Variants in DGKB observed in about 807,000 individuals in gnomAD.
DGKB encodes the protein diacylglycerol kinase beta.
Under a neutral mutation model 114.3 loss-of-function variants are expected in DGKB, and 67 were observed. The observed-to-expected ratio is 0.59, with a 90% confidence interval of 0.48 to 0.72. The LOEUF (loss-of-function observed/expected upper bound fraction) is 0.72. DGKB is among the 30% of genes least tolerant of loss of function. The pLI is 0.00. For synonymous variants in DGKB, 398 were observed against 323.1 expected (o/e 1.23, Z -2.49); for missense variants, 907 against 975.2 (o/e 0.93, Z 0.93).
intron 20 of DGKB, among the ~76,000 whole-genome samples, chr7:14,499,435 A>T (rs1209797670): frequency 6.6e-6 from 1 of 151,772 alleles, no homozygotes; most frequent in Non-Finnish European, 1.5e-5. Context: ...TGCTAGCATG[A>T]TCCACAAAAA....
At chr7:14,918,988 A>C (rs1784375119) in intron 1 of DGKB, among the ~76,000 whole-genome samples, 1 of 151,192 alleles carries the variant, frequency 6.6e-6, no homozygotes, top group African/African-American at 2.4e-5. Flanking sequence ...GTTTGAACCC[A>C]GGAGGCGGAG....
At position 14,371,473 on chromosome 7, in the gene DGKB, T is replaced by C. The variant is rs148929978; in HGVS notation, c.1836-26082A>G. On this transcript the variant is annotated intron_variant, in intron 21 of 25. Transcript: ENST00000402815. ...TGTTGGCAGCTTATATGGTTTCTTT[T>C]GAGAAGTGTTTGTTCATGTCTTTTG... Among the ~76,000 whole-genome samples, 611 of 152,328 alleles carry C rather than the reference T, an allele frequency of 4.0e-3. 6 individuals are homozygous for C. The highest frequency in any genetic ancestry group is 0.024 in the Middle Eastern group (7 of 294).
chr7:14,179,643 A>C lies in DGKB; in HGVS notation c.2123-1492T>G, dbSNP rs549553554. On this transcript the variant is annotated intron_variant, in intron 23 of 25. Coordinates refer to ENST00000402815, the MANE Select transcript of DGKB (RefSeq NM_001350709.2). ...CAGTGTAGTTCAACTGTGTGGCAGC[A>C]AATAGTGCTTTGCAATCTCCAAGTT... is the stretch of plus-strand genomic sequence containing the variant. 3.9e-5 allele frequency among the ~76,000 whole-genome samples: 6 copies of C among 152,324 alleles called. No individual in the cohort carries two copies. In the South Asian group the frequency reaches 1.2e-3, roughly 32 times the overall value.
chr7:14,893,832 T>C (rs891127379), intron 1 of DGKB, among the ~76,000 whole-genome samples: 6 of 151,378 alleles, frequency 4.0e-5, no homozygotes, highest in Admixed American at 3.3e-4. Flanking sequence ...CCATCTCCTA[T>C]AGCAACATGT....
intron 23 of DGKB, among the ~76,000 whole-genome samples, chr7:14,306,510 C>G (rs1585041031): frequency 1.3e-5 from 2 of 151,944 alleles, no homozygotes; most frequent in African/African-American, 4.8e-5. Flanking sequence ...ATGGTTATTC[C>G]ACGTTCATAT....
intron 23 of DGKB, among the ~76,000 whole-genome samples, chr7:14,179,711 A>G (rs1185344433): frequency 2.0e-5 from 3 of 152,216 alleles, no homozygotes; most frequent in Non-Finnish European, 4.4e-5. Context: ...AAAGCACTTT[A>G]AAAAGAATAT....
chr7:14,514,866 C>A (rs1488507792), intron 20 of DGKB, among the ~76,000 whole-genome samples: 1 of 151,916 alleles, frequency 6.6e-6, no homozygotes, highest in African/African-American at 2.4e-5. Flanking sequence ...TCAGCCTGAG[C>A]AACATAGGGA....
At chr7:14,227,784 G>C (rs1288182346) in intron 23 of DGKB, among the ~76,000 whole-genome samples, 1 of 151,828 alleles carries the variant, frequency 6.6e-6, no homozygotes, top group Non-Finnish European at 1.5e-5. Context: ...AAAAGCAGCA[G>C]GCAAAATGAG....
intron 2 of DGKB, among the ~76,000 whole-genome samples, chr7:14,781,795 A>C (rs1347300121): frequency 1.3e-5 from 2 of 152,144 alleles, no homozygotes; most frequent in South Asian, 4.1e-4. Context: ...CCCTAAGATA[A>C]TATATTTCAC....
intron 1 of DGKB, among the ~76,000 whole-genome samples, chr7:14,866,081 G>C (rs1011067990): frequency 6.6e-6 from 1 of 152,144 alleles, no homozygotes; most frequent in South Asian, 2.1e-4. Context: ...GAGGAGCATA[G>C]ACTTGTTTTT....
intron 13 of DGKB, among the ~76,000 whole-genome samples, chr7:14,636,324 C>T (rs967149822): frequency 3.3e-5 from 5 of 151,694 alleles, no homozygotes; most frequent in Middle Eastern, 3.2e-3. Context: ...GATGCAGAAC[C>T]TTTCCTCTAA....
intron 21 of DGKB, among the ~76,000 whole-genome samples, chr7:14,433,219 C>T (rs12540892): frequency 0.1 from 15,602 of 152,134 alleles, 1,032 homozygotes; most frequent in East Asian, 0.28. Flanking sequence ...AAGAGTCATT[C>T]CAATTCTAGA....
intron 23 of DGKB, among the ~76,000 whole-genome samples, chr7:14,216,550 AC>A (rs1352755945): frequency 6.6e-6 from 1 of 151,896 alleles, no homozygotes; most frequent in African/African-American, 2.4e-5. Context: ...ACATGGTGAA[AC>A]CCCATCTCCA....
At chr7:14,836,667 G>T (rs751726211) in intron 2 of DGKB, among the ~76,000 whole-genome samples, 14 of 152,186 alleles carry the variant, frequency 9.2e-5, no homozygotes, top group Admixed American at 2.6e-4. Flanking sequence ...GAGTGAGGAA[G>T]AAAATTATAC....
At chr7:14,152,492 A>C (rs185675067) in intron 25 of DGKB, among the ~76,000 whole-genome samples, 1 of 152,152 alleles carries the variant, frequency 6.6e-6, no homozygotes. Context: ...TCTATCAGAT[A>C]CAGAATGGTG....
At chr7:14,152,115 T>A (rs982221628) in intron 25 of DGKB, among the ~76,000 whole-genome samples, 4 of 152,088 alleles carry the variant, frequency 2.6e-5, no homozygotes, top group Admixed American at 6.6e-5. Context: ...TTGCTTTTTT[T>A]ATTACTCTTA....
intron 23 of DGKB, among the ~76,000 whole-genome samples, chr7:14,187,784 G>C (rs1783668492): frequency 6.6e-6 from 1 of 152,004 alleles, no homozygotes; most frequent in African/African-American, 2.4e-5. Flanking sequence ...TAAATGTAGG[G>C]ACACAAGAAA....
chr7:14,208,014 C>G (rs2128299154), intron 23 of DGKB, among the ~76,000 whole-genome samples: 1 of 152,130 alleles, frequency 6.6e-6, no homozygotes, highest in Admixed American at 6.6e-5. Context: ...ATGATATTCT[C>G]AGTAAAGTTT....
At chr7:14,308,578 T>A (rs967860438) in intron 23 of DGKB, among the ~76,000 whole-genome samples, 1 of 152,158 alleles carries the variant, frequency 6.6e-6, no homozygotes, top group African/African-American at 2.4e-5. Flanking sequence ...TATGAGTGAA[T>A]GGGGATATGC....
Sources: gnomAD v4.1 joint callset for allele counts (sites outside exome capture counted in the v4.1 genomes callset) on GRCh38, gnomAD v4.1.1 for gene constraint, MANE v1.5 for transcripts, NCBI Gene and HGNC (gene_info 2026-07-23, HGNC 2026-07-21) for gene names.